Variants in ZC3H14 observed in about 807,000 individuals in gnomAD.
The protein encoded by ZC3H14 is zinc finger CCCH-type containing 14.
ZC3H14 carries 31 observed loss-of-function variants against 92.4 expected under a neutral mutation model. The ratio of observed to expected loss-of-function variants is 0.34; its 90% CI spans 0.25 to 0.45. ZC3H14 has a LOEUF of 0.45. ZC3H14 is among the 20% of genes least tolerant of loss of function. ZC3H14 has a pLI of 1.00. For synonymous variants in ZC3H14, 321 were observed against 300.9 expected, an observed-to-expected ratio of 1.07 and a Z score of -0.69; for missense variants, 781 against 897.3, an observed-to-expected ratio of 0.87 and a Z score of 1.66.
intron 2 of ZC3H14, among the ~76,000 whole-genome samples, chr14:88,565,804 A>C (rs1211576136): frequency 1.3e-5 from 2 of 152,064 alleles, no homozygotes; most frequent in Non-Finnish European, 2.9e-5. Context: ...CATATTCTTC[A>C]GTCATAAGCA....
At chr14:88,596,866 C>CT in intron 10 of ZC3H14, 58 bp downstream of exon 10, 1 of 1,378,280 alleles carries the variant, frequency 7.3e-7, no homozygotes, top group Non-Finnish European at 1.0e-6. Context: ...ATTTCCATTT[C>CT]TTACACCCCA....
chr14:88,586,765 A>C (rs2139832512), intron 9 of ZC3H14: 1 of 152,332 alleles, frequency 6.6e-6, no homozygotes, highest in Non-Finnish European at 1.5e-5. Context: ...CTGGAAAAAG[A>C]AAGCATATCA....
Position 88,627,172 on chromosome 14 carries a change from TCTA to T in ZC3H14, c.*15426_*15428del, listed in dbSNP as rs1193770275. On this transcript the variant is annotated 3_prime_UTR_variant, in exon 17 of 17. Transcript: ENST00000251038. ...TAGAAGAGAGGCCAATGGCCCCTGC[TCTA>T]CTACCTAGCAATACATGATTTACAA... is the stretch of plus-strand genomic sequence containing the variant. The T allele has an allele frequency of 2.4e-6, 2 of 832,886 alleles. No homozygotes were observed. The highest frequency in any genetic ancestry group is 3.8e-6 in the Non-Finnish European group (2 of 519,814). The allele number at this position is 832,886 out of a possible 1,614,324, so 51.6% of individuals were successfully genotyped here. A position where few individuals can be genotyped will look rare whatever the true frequency, so the allele number is the denominator to read the frequency against.
intron 9 of ZC3H14, chr14:88,594,782 A>G (rs763986704): frequency 1.9e-6 from 3 of 1,614,070 alleles, no homozygotes; most frequent in Non-Finnish European, 2.5e-6. Context: ...CTTCCACCGG[A>G]GCCAGTGGAC....
intron 9 of ZC3H14, among the ~76,000 whole-genome samples, chr14:88,580,706 A>G (rs925621006): frequency 6.6e-6 from 1 of 152,200 alleles, no homozygotes; most frequent in Non-Finnish European, 1.5e-5. Context: ...AACATGTTTG[A>G]AACTGTTGTC....
Position 88,575,821 on chromosome 14 carries a change from C to G in ZC3H14, c.1023-19C>G. On this transcript the variant is annotated intron_variant, in intron 7 of 16. Coordinates refer to ENST00000251038, the MANE Select transcript of ZC3H14 (RefSeq NM_024824.5). ...TGAAATTTAAAGTTTAATAAAAATA[C>G]CTTTCTTAACTCTTTTAGACCTTCT... 1.9e-6 allele frequency: 3 copies of G among 1,591,210 alleles called. No individual in the cohort carries two copies. The highest frequency in any genetic ancestry group is 2.6e-6 in the Non-Finnish European group (3 of 1,160,176).
chr14:88,575,461 G>A (rs1487996900), intron 7 of ZC3H14, among the ~76,000 whole-genome samples: 1 of 152,098 alleles, frequency 6.6e-6, no homozygotes, highest in Admixed American at 6.6e-5. Context: ...GGGAGGCTGA[G>A]GCAGGAGGAT....
chr14:88,582,833 C>T lies in ZC3H14; in HGVS notation c.1279+4693C>T, dbSNP rs530097248. The stretch of plus-strand genomic sequence containing the variant: ...GTTAATGTGGTTACTCACTGTTGTA[C>T]GGTATAATCTGGGGCAGGTTTTTAA... On this transcript the variant is annotated intron_variant, in intron 9 of 16. Transcript: ENST00000251038. Among the ~76,000 whole-genome samples, 10 of 152,202 alleles carry T rather than the reference C, an allele frequency of 6.6e-5. No individual in the cohort carries two copies. In the East Asian group the frequency reaches 1.7e-3, roughly 26 times the overall value.
intron 3 of ZC3H14, among the ~76,000 whole-genome samples, chr14:88,568,982 A>G (rs1368767996): frequency 1.3e-5 from 2 of 152,042 alleles, no homozygotes; most frequent in Non-Finnish European, 2.9e-5. Context: ...CCTGGTTTCA[A>G]GTGATCATCC....
rs562229461 is a variant in ZC3H14 at position 88,576,672 on chromosome 14, T to G, written c.1123+732T>G. On this transcript the variant is annotated intron_variant, in intron 8 of 16. Coordinates refer to ENST00000251038, the MANE Select transcript of ZC3H14 (RefSeq NM_024824.5). ...TGGTAATGAGCTACTCTAAAAAGATTTAAGTTTTGCTGTGGATTTGGTGGG... is the reference window on the plus strand; with the variant it reads ...TGGTAATGAGCTACTCTAAAAAGATGTAAGTTTTGCTGTGGATTTGGTGGG... Among the ~76,000 whole-genome samples, 192 of 152,304 alleles carry G rather than the reference T, an allele frequency of 1.3e-3. 1 individual carries two copies. The highest frequency in any genetic ancestry group is 6.8e-3 in the Middle Eastern group (2 of 294).
At chr14:88,563,259 G>T in intron 1 of ZC3H14, 90 bp downstream of exon 1, 2 of 1,544,912 alleles carry the variant, frequency 1.3e-6, no homozygotes, top group Non-Finnish European at 8.7e-7. Context: ...CCGGGTGGAC[G>T]CCGCGGCCTG....
intron 9 of ZC3H14, chr14:88,586,542 C>T (rs2082494053): frequency 1.3e-5 from 2 of 152,200 alleles, no homozygotes; most frequent in African/African-American, 2.4e-5. Flanking sequence ...GGACTTCTAT[C>T]ATTCTAATTG....
chr14:88,605,371 G>T (rs2085230375), intron 12 of ZC3H14, among the ~76,000 whole-genome samples: 1 of 152,108 alleles, frequency 6.6e-6, no homozygotes, highest in Non-Finnish European at 1.5e-5. Context: ...CCCTCCTGTT[G>T]CCCAGGCTGG....
intron 9 of ZC3H14, among the ~76,000 whole-genome samples, chr14:88,581,127 C>T (rs573708684): frequency 6.6e-6 from 1 of 152,152 alleles, no homozygotes; most frequent in Non-Finnish European, 1.5e-5. Flanking sequence ...GGAAATGTTT[C>T]GGAACTCACA....
intron 15 of ZC3H14, 152 bp downstream of exon 15, chr14:88,609,955 A>G (rs2086279935): frequency 2.4e-6 from 2 of 845,776 alleles, no homozygotes; most frequent in African/African-American, 1.7e-5. Flanking sequence ...CTGAACCTCC[A>G]TCTGGCCCCT....
chr14:88,615,087 G>A lies in ZC3H14; in HGVS notation c.*3336G>A, dbSNP rs1238767112. On this transcript the variant is annotated 3_prime_UTR_variant, in exon 17 of 17. Transcript: ENST00000251038. ...CATCATACTACTTTTCCATTAGTGA[G>A]GCTACAGTTATGTTTTAAATGTGCG... 1.3e-5 allele frequency: 2 copies of A among 152,140 alleles called. No homozygotes were observed. The highest frequency in any genetic ancestry group is 2.9e-5 in the Non-Finnish European group (2 of 68,024). The allele number at this position is 152,140 out of a possible 1,614,324, so 9.4% of individuals were successfully genotyped here. A position where few individuals can be genotyped will look rare whatever the true frequency, so the allele number is the denominator to read the frequency against.
Position 88,616,003 on chromosome 14 carries a change from T to C in ZC3H14, c.*4252T>C. ...TTCTGTATTTGCATAAATATGAGAT[T>C]CTGAAGAGCCATCTGGTTATACTAC... On this transcript the variant is annotated 3_prime_UTR_variant, in exon 17 of 17. Coordinates refer to ENST00000251038, the MANE Select transcript of ZC3H14 (RefSeq NM_024824.5). 1.6e-6 allele frequency: 2 copies of C among 1,266,910 alleles called. No homozygotes were observed. The highest frequency in any genetic ancestry group is 2.2e-6 in the Non-Finnish European group (2 of 897,052). 78.5% of individuals were successfully genotyped at this position (1,266,910 alleles called of 1,614,324 possible).
intron 9 of ZC3H14, among the ~76,000 whole-genome samples, chr14:88,592,704 T>G (rs1253884623): frequency 3.3e-5 from 5 of 151,976 alleles, no homozygotes; most frequent in African/African-American, 1.2e-4. Flanking sequence ...TTTTGCCATG[T>G]TGGCCAGGCT....
rs2086979880 is a variant in ZC3H14, at chr14:88,612,811, C to CTGTT, written c.*1061_*1064dup. 1 of 152,462 alleles carries CTGTT rather than the reference C, an allele frequency of 6.6e-6. No homozygotes were observed. Among genetic ancestry groups the CTGTT allele is most frequent in the Non-Finnish European group, 1.5e-5 (1 of 68,014 alleles). 9.4% of individuals were successfully genotyped at this position (152,462 alleles called of 1,614,324 possible). ...GTTTTTTTGTGTGTGGTTTTTAAAA[C>CTGTT]TGTTAAGGCAAGAAGTGTCAAATGC... On this transcript the variant is annotated 3_prime_UTR_variant, in exon 17 of 17. Coordinates refer to ENST00000251038, the MANE Select transcript of ZC3H14 (RefSeq NM_024824.5).
Sources: gnomAD v4.1 joint callset for allele counts (sites outside exome capture counted in the v4.1 genomes callset) on GRCh38, gnomAD v4.1.1 for gene constraint, MANE v1.5 for transcripts, NCBI Gene and HGNC (gene_info 2026-07-23, HGNC 2026-07-21) for gene names.